The following CTNNA3 variants were observed in gnomAD, a reference collection of about 807,000 sequenced individuals.
The protein encoded by CTNNA3 is catenin alpha-3.
CTNNA3 carries 76 observed loss-of-function variants against 95.7 expected under a neutral mutation model. That is an observed-to-expected ratio of 0.79 (90% confidence interval 0.66 to 0.96). The LOEUF is 0.96. Among genes scored for constraint, CTNNA3 ranks in the 40% least tolerant of loss-of-function variants. CTNNA3 has a pLI of 0.00. For synonymous variants in CTNNA3, 431 were observed against 374.4 expected (o/e 1.15, Z -1.74); for missense variants, 1,191 against 1,089.8 (o/e 1.09, Z -1.31).
At chr10:67,334,943 G>A (rs1841935867) in intron 5 of CTNNA3, 1 of 152,354 alleles carries the variant, frequency 6.6e-6, no homozygotes, top group Admixed American at 6.6e-5. Context: ...TTAAAAAACA[G>A]CTTGGTTGTA....
intron 9 of CTNNA3, among the ~76,000 whole-genome samples, chr10:66,630,471 G>A (rs752181525): frequency 6.6e-5 from 10 of 152,142 alleles, no homozygotes; most frequent in East Asian, 1.9e-4. Flanking sequence ...CTACTGAATA[G>A]GTCCCAATTT....
intron 10 of CTNNA3, among the ~76,000 whole-genome samples, chr10:66,559,719 A>G (rs866011238): frequency 1.3e-5 from 2 of 152,096 alleles, no homozygotes; most frequent in Non-Finnish European, 2.9e-5. Context: ...CTGGGTTAGC[A>G]TGTACTCATC....
intron 5 of CTNNA3, among the ~76,000 whole-genome samples, chr10:67,386,991 T>C (rs1589239788): frequency 6.6e-6 from 1 of 152,344 alleles, no homozygotes; most frequent in African/African-American, 2.4e-5. Flanking sequence ...CCTACCTTCC[T>C]ATCCTTCTTT....
At chr10:67,261,372 C>T (rs1015320930) in intron 5 of CTNNA3, among the ~76,000 whole-genome samples, 1 of 152,070 alleles carries the variant, frequency 6.6e-6, no homozygotes, top group African/African-American at 2.4e-5. Context: ...TTAAAATTAA[C>T]CATGAAATGT....
intron 10 of CTNNA3, among the ~76,000 whole-genome samples, chr10:66,531,029 C>G (rs1467353016): frequency 1.3e-5 from 2 of 151,966 alleles, no homozygotes; most frequent in South Asian, 4.1e-4. Context: ...AAATAATGCT[C>G]CCGGGAGGTC....
chr10:66,471,935 T>A (rs1374495605), intron 11 of CTNNA3, among the ~76,000 whole-genome samples: 1 of 151,978 alleles, frequency 6.6e-6, no homozygotes, highest in Admixed American at 6.6e-5. Flanking sequence ...ATATTCCAAA[T>A]CTTTTATGGG....
chr10:66,033,924 T>C (rs193038233), intron 15 of CTNNA3, among the ~76,000 whole-genome samples: 2 of 152,332 alleles, frequency 1.3e-5, no homozygotes, highest in African/African-American at 4.8e-5. Context: ...GCTGCTCGCA[T>C]TCAAATTCCA....
intron 7 of CTNNA3, among the ~76,000 whole-genome samples, chr10:67,113,458 G>A (rs1400916672): frequency 1.3e-5 from 2 of 152,124 alleles, no homozygotes; most frequent in South Asian, 2.1e-4. Flanking sequence ...CAGACATAAA[G>A]ATCACTAAGC....
intron 7 of CTNNA3, among the ~76,000 whole-genome samples, chr10:67,027,324 C>G (rs2133096214): frequency 2.0e-5 from 3 of 152,164 alleles, no homozygotes; most frequent in Admixed American, 2.0e-4. Flanking sequence ...ATCTGACATT[C>G]AACTGACATT....
rs111418250 is a variant in CTNNA3, at chr10:66,564,170, G to A, written c.1375-43397C>T. The stretch of plus-strand genomic sequence containing the variant: ...AGGAATAATCGATACAGTTTTATGC[G>A]CTTATAATAAGGAAAAGACTTCGCC... On this transcript the variant is annotated intron_variant, in intron 10 of 17. Transcript: ENST00000433211. 3.9e-4 allele frequency among the ~76,000 whole-genome samples: 59 copies of A among 152,172 alleles called. 2 individuals are homozygous for A. The South Asian group carries it at 0.011, about 28-fold the overall frequency.
At chr10:67,618,511 T>A (rs1438429868) in intron 2 of CTNNA3, among the ~76,000 whole-genome samples, 1 of 152,214 alleles carries the variant, frequency 6.6e-6, no homozygotes, top group Non-Finnish European at 1.5e-5. Flanking sequence ...CCTCCCACTA[T>A]CTGCTGCCGG....
At chr10:66,338,474 T>C (rs2092420200) in intron 12 of CTNNA3, among the ~76,000 whole-genome samples, 1 of 151,914 alleles carries the variant, frequency 6.6e-6, no homozygotes. Flanking sequence ...GCTTAGGCCA[T>C]TTGGAAAGAT....
intron 7 of CTNNA3, among the ~76,000 whole-genome samples, chr10:67,150,282 T>A (rs1226864355): frequency 6.6e-6 from 1 of 152,194 alleles, no homozygotes; most frequent in African/African-American, 2.4e-5. Context: ...GGTACTTCAA[T>A]ATCTACTTTT....
intron 1 of CTNNA3, among the ~76,000 whole-genome samples, chr10:67,742,534 C>T (rs1351060256): frequency 6.6e-6 from 1 of 150,692 alleles, no homozygotes; most frequent in Admixed American, 6.6e-5. Flanking sequence ...CACTAAATGC[C>T]CACAAGAGAA....
At chr10:66,247,954 T>C (rs2090404807) in intron 13 of CTNNA3, among the ~76,000 whole-genome samples, 1 of 152,130 alleles carries the variant, frequency 6.6e-6, no homozygotes, top group Non-Finnish European at 1.5e-5. Context: ...CAGAATATTA[T>C]AACACTGTAA....
chr10:67,086,767 C>T (rs776658383), intron 7 of CTNNA3, among the ~76,000 whole-genome samples: 65 of 152,000 alleles, frequency 4.3e-4, no homozygotes, highest in Non-Finnish European at 5.9e-4. Flanking sequence ...GAGTTCTTTC[C>T]ACCAGTTGCT....
intron 3 of CTNNA3, among the ~76,000 whole-genome samples, chr10:67,554,137 A>T (rs886871875): frequency 2.6e-5 from 4 of 152,066 alleles, no homozygotes; most frequent in Non-Finnish European, 5.9e-5. Flanking sequence ...TATGTGTCAC[A>T]TTTTCTTAAT....
chr10:66,875,098 A>G (rs1337039620), intron 7 of CTNNA3, among the ~76,000 whole-genome samples: 1 of 152,184 alleles, frequency 6.6e-6, no homozygotes, highest in African/African-American at 2.4e-5. Flanking sequence ...AGTGGTGCTG[A>G]TGACGAATTT....
intron 7 of CTNNA3, among the ~76,000 whole-genome samples, chr10:67,150,242 G>A (rs1861029552): frequency 6.6e-6 from 1 of 152,028 alleles, no homozygotes; most frequent in African/African-American, 2.4e-5. Flanking sequence ...GAAATTCCAT[G>A]GAATTTTGAT....
Sources: gnomAD v4.1 joint callset for allele counts (sites outside exome capture counted in the v4.1 genomes callset) on GRCh38, gnomAD v4.1.1 for gene constraint, MANE v1.5 for transcripts, NCBI Gene and HGNC (gene_info 2026-07-23, HGNC 2026-07-21) for gene names.